The following FBXL16 variants were observed in gnomAD, a reference collection of about 807,000 sequenced individuals.
The protein encoded by FBXL16 is F-box/LRR-repeat protein 16.
In FBXL16, 7 loss-of-function variants were observed where a neutral mutation model predicts 36.7. The ratio of observed to expected loss-of-function variants is 0.19; its 90% CI spans 0.11 to 0.36. The LOEUF (loss-of-function observed/expected upper bound fraction) is 0.36. FBXL16 is among the 10% of genes least tolerant of loss of function. FBXL16 has a pLI of 1.00. For missense variants in FBXL16, 463 were observed against 659.4 expected, an observed-to-expected ratio of 0.70 and a Z score of 3.26; for synonymous variants, 355 against 308.7, an observed-to-expected ratio of 1.15 and a Z score of -1.57.
At chr16:705,434 C>T (rs940658918) in intron 1 of FBXL16, 78 bp downstream of exon 1, 1 of 150,798 alleles carries the variant, frequency 6.6e-6, no homozygotes, top group Non-Finnish European at 1.5e-5. Flanking sequence ...CCACCCCGCC[C>T]CCTCCTCATT....
At chr16:696,730 GCCCCTGCC>G in intron 2 of FBXL16, 35 bp downstream of exon 2, 1 of 1,432,164 alleles carries the variant, frequency 7.0e-7, no homozygotes, top group Non-Finnish European at 9.1e-7. Context: ...GCTGCTGCCC[GCCCCTGCC>G]CCCCAGCCCT....
chr16:699,079 G>C (rs576266603), intron 1 of FBXL16, among the ~76,000 whole-genome samples: 3 of 152,336 alleles, frequency 2.0e-5, no homozygotes, highest in African/African-American at 7.2e-5. Flanking sequence ...TGCCCAATGA[G>C]AACGATGCTG....
chr16:701,080 C>T (rs980868844), intron 1 of FBXL16, among the ~76,000 whole-genome samples: 3 of 152,158 alleles, frequency 2.0e-5, no homozygotes, highest in Non-Finnish European at 4.4e-5. Context: ...GAGGCATTCG[C>T]GGGGCTCCTT....
At chr16:702,176 A>G (rs1415672902) in intron 1 of FBXL16, among the ~76,000 whole-genome samples, 2 of 152,104 alleles carry the variant, frequency 1.3e-5, no homozygotes, top group Non-Finnish European at 2.9e-5. Flanking sequence ...CTGAGCCCGG[A>G]GACCTCAGCT....
chr16:703,734 G>A (rs374000345), intron 1 of FBXL16, among the ~76,000 whole-genome samples: 2 of 152,230 alleles, frequency 1.3e-5, no homozygotes, highest in South Asian at 4.1e-4. Flanking sequence ...CAGCAGGCAC[G>A]TGGCCTCAAG....
chr16:697,182 G>A lies in FBXL16; in HGVS notation c.224C>T (p.Thr75Ile). 3.2e-6 allele frequency: 5 copies of A among 1,557,236 alleles called. No homozygotes were observed. Among genetic ancestry groups the A allele is most frequent in the Non-Finnish European group, 4.3e-6 (5 of 1,155,754 alleles). ...SRAALAGGPC[T>I]PAGGPASALA... ...GGCTGAGGCTGGTCCACCTGCCGGG[G>A]TGCACGGGCCCCCAGCCAGGGCAGC... The change falls in exon 2 of 6, where the codon ACC becomes ATC. Residue 75 changes from threonine (T) to isoleucine (I), a missense_variant. By Grantham distance (89) the Thr-to-Ile change is moderately conservative. Coordinates refer to ENST00000397621, the MANE Select transcript of FBXL16 (RefSeq NM_153350.4). This position sits in a 1 kb window ranked among gnomAD's most constrained non-coding sequence, Gnocchi z 4.6.
chr16:702,651 G>T (rs2040065908), intron 1 of FBXL16, among the ~76,000 whole-genome samples: 1 of 152,232 alleles, frequency 6.6e-6, no homozygotes, highest in African/African-American at 2.4e-5. Context: ...GGTCAGCGGG[G>T]AAGGCACAGC....
At chr16:698,783 A>G (rs1013841869) in intron 1 of FBXL16, among the ~76,000 whole-genome samples, 7 of 151,882 alleles carry the variant, frequency 4.6e-5, no homozygotes, top group Non-Finnish European at 1.0e-4. Context: ...GCTTGGTGGC[A>G]GGCTCCTGTA....
chr16:704,301 A>C (rs998925927), intron 1 of FBXL16, among the ~76,000 whole-genome samples: 1 of 152,088 alleles, frequency 6.6e-6, no homozygotes, highest in African/African-American at 2.4e-5. Context: ...GCCGCCCCGG[A>C]AGTGGGTGTG....
At chr16:702,237 C>T (rs4984917) in intron 1 of FBXL16, among the ~76,000 whole-genome samples, 34,427 of 152,042 alleles carry the variant, frequency 0.23, 4,598 homozygotes, top group East Asian at 0.61. Flanking sequence ...CATTCCTCCT[C>T]CCCTGCTCCT....
At chr16:701,599 G>C (rs905736950) in intron 1 of FBXL16, among the ~76,000 whole-genome samples, 3 of 152,148 alleles carry the variant, frequency 2.0e-5, no homozygotes, top group Admixed American at 2.0e-4. Context: ...CTTGGCCCTG[G>C]GCCCGGCCCC....
intron 3 of FBXL16, 139 bp downstream of exon 3, chr16:695,276 T>C: frequency 8.5e-7 from 1 of 1,176,608 alleles, no homozygotes; most frequent in Non-Finnish European, 1.1e-6. Flanking sequence ...CTCCCCAGGC[T>C]CCGAGGGCTC....
intron 1 of FBXL16, among the ~76,000 whole-genome samples, chr16:701,714 G>C (rs535355426): frequency 1.3e-5 from 2 of 152,124 alleles, no homozygotes; most frequent in South Asian, 2.1e-4. Flanking sequence ...AGAGGGGCTC[G>C]GACGACCTGC....
chr16:697,181 G>A lies in FBXL16; in HGVS notation c.225C>T (p.Thr75=), dbSNP rs749779220. The A allele has an allele frequency of 1.6e-5, 25 of 1,561,082 alleles. No homozygotes were observed. In the South Asian group the frequency reaches 2.8e-4, roughly 18 times the overall value. The change falls in exon 2 of 6, where the codon ACC becomes ACT. Residue 75 remains threonine, a synonymous_variant. Coordinates refer to ENST00000397621, the MANE Select transcript of FBXL16 (RefSeq NM_153350.4). This position sits in a 1 kb window ranked among gnomAD's most constrained non-coding sequence, Gnocchi z 4.6. ...AGGCTGAGGCTGGTCCACCTGCCGG[G>A]GTGCACGGGCCCCCAGCCAGGGCAG... ...SRAALAGGPC[T]PAGGPASALA...
chr16:702,008 G>C (rs918975534), intron 1 of FBXL16, among the ~76,000 whole-genome samples: 2 of 152,160 alleles, frequency 1.3e-5, no homozygotes. Flanking sequence ...CCCAGGGGAC[G>C]CAGTGTGAAG....
chr16:702,953 C>T (rs2040067704), intron 1 of FBXL16, among the ~76,000 whole-genome samples: 1 of 152,280 alleles, frequency 6.6e-6, no homozygotes, highest in Non-Finnish European at 1.5e-5. Context: ...ACCACACGCA[C>T]CCCTCCTCTG....
chr16:695,403 G>C lies in FBXL16; in HGVS notation c.1142+12C>G. 6.6e-7 allele frequency: 1 copy of C among 1,517,828 alleles called. No homozygotes were observed. The highest frequency in any genetic ancestry group is 8.8e-7 in the Non-Finnish European group (1 of 1,136,462). 94.0% of individuals were successfully genotyped at this position (1,517,828 alleles called of 1,614,324 possible). A position where few individuals can be genotyped will look rare whatever the true frequency, so the allele number is the denominator to read the frequency against. On this transcript the variant is annotated intron_variant, in intron 3 of 5. Coordinates refer to ENST00000397621, the MANE Select transcript of FBXL16 (RefSeq NM_153350.4). ...GGCCCAGCCCCGCCCGGCGCGGCCC[G>C]GGGGCGCGCACCTGTCGAGCACGAG...
chr16:695,351 C>CA (rs2040002842), intron 3 of FBXL16, 64 bp downstream of exon 3: 1 of 1,111,758 alleles, frequency 9.0e-7, no homozygotes, highest in African/African-American at 1.7e-5. Context: ...GCAGCCCCGC[C>CA]CCGCCCCGCC....
chr16:702,783 G>A (rs1301611390), intron 1 of FBXL16, among the ~76,000 whole-genome samples: 1 of 152,176 alleles, frequency 6.6e-6, no homozygotes, highest in Non-Finnish European at 1.5e-5. Flanking sequence ...GCTGGGGTGG[G>A]CCTTGCAATA....
Sources: allele counts gnomAD v4.1 joint callset (sites outside exome capture counted in the v4.1 genomes callset), GRCh38; gene constraint gnomAD v4.1.1; non-coding constraint Gnocchi (gnomAD v3.1); transcripts MANE v1.5; gene names NCBI Gene and HGNC (gene_info 2026-07-23, HGNC 2026-07-21).